MTHFD1: variants seen among roughly 807,000 people sequenced by gnomAD.
The protein encoded by MTHFD1 is methylenetetrahydrofolate dehydrogenase, cyclohydrolase and formyltetrahydrofolate synthetase 1, also known as C-1-tetrahydrofolate synthase, cytoplasmic.
A neutral mutation model predicts 110.3 loss-of-function variants in MTHFD1; 44 were observed. The observed-to-expected ratio is 0.40, with a 90% confidence interval of 0.31 to 0.51. The LOEUF (loss-of-function observed/expected upper bound fraction) is 0.51, where lower values mean the gene tolerates loss of function less well. MTHFD1 is among the 20% of genes least tolerant of loss of function. The probability of loss-of-function intolerance (pLI) is 0.60; values close to 1 mark genes in which losing one functional copy is unlikely to be tolerated. For missense variants in MTHFD1, 909 were observed against 1,173.1 expected, an observed-to-expected ratio of 0.77 and a Z score of 3.29; for synonymous variants, 402 against 428.8, an observed-to-expected ratio of 0.94 and a Z score of 0.77.
intron 18 of MTHFD1, chr14:64,440,537 G>A (rs2140974430): frequency 2.1e-6 from 1 of 473,480 alleles, no homozygotes; most frequent in South Asian, 2.0e-5. Flanking sequence ...AAAAGTGGGT[G>A]TATGACTTCA....
intron 9 of MTHFD1, among the ~76,000 whole-genome samples, chr14:64,425,422 G>A (rs898862602): frequency 1.3e-5 from 2 of 152,056 alleles, no homozygotes; most frequent in South Asian, 4.1e-4. Flanking sequence ...CGTTGGTTAG[G>A]CTGGTCTGGA....
Position 64,454,751 on chromosome 14 carries a change from C to T in MTHFD1, c.2594C>T (p.Ala865Val), listed in dbSNP as rs1317614457. The change falls in exon 26 of 28, where the codon GCT becomes GTT. Residue 865 changes from alanine to valine, a missense_variant. Ala to Val is a moderately conservative substitution (Grantham distance 64). Around this residue, in one of 3 missense-constraint regions of MTHFD1, gnomAD observed 482 missense variants for 646.0 expected, o/e 0.75. Transcript: ENST00000652337. Reference sequence around the variant, plus strand: ...TTTGGGAATCTCCCCATCTGCATGGCTAAAACACACTTGTCTTTGTCTCAC... The same window carrying T: ...TTTGGGAATCTCCCCATCTGCATGGTTAAAACACACTTGTCTTTGTCTCAC... ...QGFGNLPICM[A>V]KTHLSLSHNP... 6.2e-7 allele frequency: 1 copy of T among 1,613,802 alleles called. No individual in the cohort carries two copies. Among genetic ancestry groups the T allele is most frequent in the Non-Finnish European group, 8.5e-7 (1 of 1,179,798 alleles).
Position 64,444,994 on chromosome 14 carries a change from AC to A in MTHFD1, c.2178+264del, listed in dbSNP as rs2078279463. 11 of 508,508 alleles carry A rather than the reference AC, an allele frequency of 2.2e-5. No individual in the cohort carries two copies. The South Asian group carries it at 2.3e-4, about 10-fold the overall frequency. 31.5% of individuals were successfully genotyped at this position (508,508 alleles called of 1,614,324 possible). A position where few individuals can be genotyped will look rare whatever the true frequency, so the allele number is the denominator to read the frequency against. ...GGTTGATTCTCAACAGCTGATTTTG[AC>A]CCCGGGGACATTTGGCAATGTCTAG... On this transcript the variant is annotated intron_variant, in intron 22 of 27. Coordinates refer to ENST00000652337, the MANE Select transcript of MTHFD1 (RefSeq NM_005956.4).
intron 6 of MTHFD1, among the ~76,000 whole-genome samples, chr14:64,416,420 GC>G (rs2078027216): frequency 6.6e-6 from 1 of 151,992 alleles, no homozygotes; most frequent in Non-Finnish European, 1.5e-5. Context: ...GAAGTGAAAA[GC>G]CCCACCTCCC....
chr14:64,441,624 G>T, intron 19 of MTHFD1, 171 bp downstream of exon 19: 1 of 639,604 alleles, frequency 1.6e-6, no homozygotes, highest in Non-Finnish European at 2.9e-6. Flanking sequence ...GGCTAACATG[G>T]TGAAACCCCG....
intron 2 of MTHFD1, among the ~76,000 whole-genome samples, chr14:64,404,304 A>C (rs1246868571): frequency 6.6e-6 from 1 of 152,072 alleles, no homozygotes; most frequent in East Asian, 1.9e-4. Flanking sequence ...CATCACCCTA[A>C]TACCTAAACC....
chr14:64,403,071 CA>C (rs1297115351), intron 2 of MTHFD1, among the ~76,000 whole-genome samples: 1 of 152,084 alleles, frequency 6.6e-6, no homozygotes, highest in Non-Finnish European at 1.5e-5. Flanking sequence ...GTGATCCTCC[CA>C]CTCAGCCTCC....
chr14:64,455,697 A>C (rs1239158655), intron 26 of MTHFD1, among the ~76,000 whole-genome samples: 1 of 152,236 alleles, frequency 6.6e-6, no homozygotes, highest in East Asian at 1.9e-4. Flanking sequence ...TCATTCTTTC[A>C]GTATAGTAAG....
chr14:64,421,709 C>T (rs1482573925), intron 8 of MTHFD1, among the ~76,000 whole-genome samples: 11 of 151,996 alleles, frequency 7.2e-5, no homozygotes, highest in African/African-American at 2.2e-4. Flanking sequence ...CTGCAAGCTC[C>T]GCCTTGCGGG....
intron 13 of MTHFD1, among the ~76,000 whole-genome samples, chr14:64,430,547 C>G (rs1188562348): frequency 6.6e-6 from 1 of 152,208 alleles, no homozygotes. Context: ...CCGCCCACCT[C>G]GGCCTCCCAA....
intron 8 of MTHFD1, among the ~76,000 whole-genome samples, chr14:64,422,546 T>C (rs977436043): frequency 5.3e-5 from 8 of 152,180 alleles, no homozygotes; most frequent in East Asian, 1.9e-4. Context: ...TAAAGATAAA[T>C]TGAGAAGGGC....
intron 21 of MTHFD1, among the ~76,000 whole-genome samples, chr14:64,443,442 GTC>G (rs1218818498): frequency 2.0e-5 from 3 of 152,212 alleles, no homozygotes; most frequent in Non-Finnish European, 4.4e-5. Context: ...GACATCACAT[GTC>G]TCATAACCTT....
At chr14:64,433,836 G>C (rs2078182104) in intron 15 of MTHFD1, among the ~76,000 whole-genome samples, 1 of 151,232 alleles carries the variant, frequency 6.6e-6, no homozygotes, top group Admixed American at 6.6e-5. Flanking sequence ...TTTGAGACCA[G>C]CCTGACCAAC....
Position 64,438,518 on chromosome 14 carries a change from C to A in MTHFD1, c.1598-578C>A, listed in dbSNP as rs149918852. 2.1e-3 allele frequency among the ~76,000 whole-genome samples: 325 copies of A among 152,226 alleles called. 1 individual carries two copies. Among genetic ancestry groups the A allele is most frequent in the African/African-American group, 7.6e-3 (317 of 41,528 alleles). ...TTAACAGTAGTTAGTCCTGGGAGGT[C>A]GTTAGTTGGTTAGTTGCTTGGTCTT... is the stretch of plus-strand genomic sequence containing the variant. On this transcript the variant is annotated intron_variant, in intron 16 of 27. Coordinates refer to ENST00000652337, the MANE Select transcript of MTHFD1 (RefSeq NM_005956.4).
intron 1 of MTHFD1, among the ~76,000 whole-genome samples, chr14:64,389,565 C>T (rs1000216080): frequency 2.6e-5 from 4 of 151,982 alleles, no homozygotes; most frequent in Admixed American, 6.6e-5. Context: ...AAAAATTAGC[C>T]GAGTGTGGTG....
intron 19 of MTHFD1, chr14:64,441,802 CAAAAAAA>C (rs35960360): frequency 2.9e-5 from 14 of 483,774 alleles, no homozygotes; most frequent in African/African-American, 4.8e-5. Context: ...GACTCCGTGT[CAAAAAAA>C]AAAAAAAAAA....
intron 2 of MTHFD1, among the ~76,000 whole-genome samples, chr14:64,407,277 G>A (rs1046715742): frequency 7.2e-5 from 11 of 151,918 alleles, no homozygotes; most frequent in Non-Finnish European, 1.5e-5. Flanking sequence ...ACCAGCCTGG[G>A]AAATATAGAG....
rs2077917402 is a variant in MTHFD1 at position 64,403,791 on chromosome 14, C to T, written c.126+2914C>T. Among the ~76,000 whole-genome samples the T allele has an allele frequency of 4.6e-5, 7 of 152,158 alleles. No individual in the cohort carries two copies. The South Asian group carries it at 1.2e-3, about 27-fold the overall frequency. On this transcript the variant is annotated intron_variant, in intron 2 of 27. Coordinates refer to ENST00000652337, the MANE Select transcript of MTHFD1 (RefSeq NM_005956.4). ...CAACTCCTGGGCTCAAAGTGATCCT[C>T]CCGCCTTGGCCTCCCAAAGTCCTGA... is the stretch of plus-strand genomic sequence containing the variant.
intron 12 of MTHFD1, among the ~76,000 whole-genome samples, chr14:64,428,720 A>G (rs2078136840): frequency 6.6e-6 from 1 of 151,252 alleles, no homozygotes; most frequent in African/African-American, 2.4e-5. Flanking sequence ...TGCCTGGCTA[A>G]TTTTTGTGTT....
Sources: gnomAD v4.1 joint callset for allele counts (sites outside exome capture counted in the v4.1 genomes callset) on GRCh38, gnomAD v4.1.1 for gene constraint, gnomAD v4.1.1 regional missense constraint, MANE v1.5 for transcripts, NCBI Gene and HGNC (gene_info 2026-07-23, HGNC 2026-07-21) for gene names.